The following LRRC4C variants were observed in gnomAD, a reference collection of about 807,000 sequenced individuals.
The protein encoded by LRRC4C is leucine rich repeat containing 4C.
LRRC4C carries 5 observed loss-of-function variants against 33.6 expected under a neutral mutation model. That is an observed-to-expected ratio of 0.15 (90% CI 0.08 to 0.31). The LOEUF (loss-of-function observed/expected upper bound fraction) is 0.31, where lower values mean the gene tolerates loss of function less well. LRRC4C is among the 10% of genes least tolerant of loss of function. The probability of loss-of-function intolerance (pLI) is 1.00; values close to 1 mark genes in which losing one functional copy is unlikely to be tolerated. For missense variants in LRRC4C, 560 were observed against 796.7 expected (o/e 0.70, Z 3.58); for synonymous variants, 329 against 302.0 (o/e 1.09, Z -0.93).
At chr11:41,247,650 C>A (rs1163734262) in intron 1 of LRRC4C, among the ~76,000 whole-genome samples, 1 of 152,176 alleles carries the variant, frequency 6.6e-6, no homozygotes, top group Non-Finnish European at 1.5e-5. Context: ...AGGGAAAATG[C>A]CACCATTATG....
At chr11:40,199,729 T>C (rs547971193) in intron 5 of LRRC4C, among the ~76,000 whole-genome samples, 1 of 152,134 alleles carries the variant, frequency 6.6e-6, no homozygotes, top group Non-Finnish European at 1.5e-5. Context: ...TTTTTTTAAT[T>C]TATTATTAAT....
intron 2 of LRRC4C, among the ~76,000 whole-genome samples, chr11:40,768,352 C>T (rs7935397): frequency 2.0e-5 from 3 of 151,938 alleles, no homozygotes; most frequent in African/African-American, 7.2e-5. Flanking sequence ...AAACTTGGGA[C>T]CTGGTGGTTT....
In LRRC4C at chr11:40,707,260, G is replaced by A. The variant is rs1411137528; in HGVS notation, c.-406-58982C>T. Among the ~76,000 whole-genome samples, 5 of 152,284 alleles carry A rather than the reference G, an allele frequency of 3.3e-5. 1 individual carries two copies. In the South Asian group the frequency reaches 1.0e-3, roughly 32 times the overall value. On this transcript the variant is annotated intron_variant, in intron 2 of 6. Transcript: ENST00000528697. Reference sequence around the variant, plus strand: ...TTCCAACCCTATGTTGAATAGGAGTGGTGAGGGAGGGCATCCCTGTCTTGC... The same window carrying A: ...TTCCAACCCTATGTTGAATAGGAGTAGTGAGGGAGGGCATCCCTGTCTTGC...
intron 2 of LRRC4C, among the ~76,000 whole-genome samples, chr11:40,907,032 C>T (rs778018507): frequency 6.6e-6 from 1 of 152,210 alleles, no homozygotes; most frequent in Admixed American, 6.5e-5. Context: ...TGTGTGTGCA[C>T]TGTCAGGAGG....
In LRRC4C at chr11:41,075,014, CTTTTTTTTTTTTTTTTTTTTTTATTTTT is replaced by C. The variant is rs1939009665; in HGVS notation, c.-495-141319_-495-141292del. 6.9e-5 allele frequency among the ~76,000 whole-genome samples: 7 copies of C among 101,020 alleles called. 3 individuals are homozygous for C. Among genetic ancestry groups the C allele is most frequent in the Admixed American group, 9.6e-5 (1 of 10,444 alleles). 66.3% of individuals were successfully genotyped at this position (101,020 alleles called of 152,430 possible). A position where few individuals can be genotyped will look rare whatever the true frequency, so the allele number is the denominator to read the frequency against. ...CCATCCTCCCACAACCTTCAATTTT[CTTTTTTTTTTTTTTTTTTTTTTATTTTT>C]AATGTTTTTTTTTTTTTTTTATTAT... On this transcript the variant is annotated intron_variant, in intron 1 of 6. Coordinates refer to ENST00000528697, the MANE Select transcript of LRRC4C (RefSeq NM_001258419.2).
chr11:40,300,435 C>G (rs1294606970), intron 4 of LRRC4C, among the ~76,000 whole-genome samples: 3 of 152,116 alleles, frequency 2.0e-5, no homozygotes, highest in Non-Finnish European at 4.4e-5. Context: ...AATTTGTTAC[C>G]CAAAGATTAA....
chr11:40,955,439 A>T (rs1958912667), intron 1 of LRRC4C, among the ~76,000 whole-genome samples: 1 of 151,794 alleles, frequency 6.6e-6, no homozygotes, highest in Non-Finnish European at 1.5e-5. Context: ...TGGGGGGGAA[A>T]AACACAAAAA....
intron 3 of LRRC4C, among the ~76,000 whole-genome samples, chr11:40,515,917 A>G (rs1013859247): frequency 6.6e-6 from 1 of 152,056 alleles, no homozygotes; most frequent in Non-Finnish European, 1.5e-5. Context: ...GTGATTGATT[A>G]AAATCCCTTT....
Position 40,114,607 on chromosome 11 carries a change from TG to T in LRRC4C, c.1685del (p.Pro562GlnfsTer34). ...KQHHRQNHHA[P>X]TRTVEIINVD... ...CATTAATAATTTCAACAGTCCTTGT[TG>T]GGGCGTGATGGTTTTGCCGATGGTG... On this transcript the variant is annotated frameshift_variant, in exon 7 of 7. Coordinates refer to ENST00000528697, the MANE Select transcript of LRRC4C (RefSeq NM_001258419.2). LOFTEE classifies it high-confidence loss of function. 1 of 1,614,184 alleles carries T rather than the reference TG, an allele frequency of 6.2e-7. No homozygotes were observed. Among genetic ancestry groups the T allele is most frequent in the African/African-American group, 1.3e-5 (1 of 75,060 alleles).
chr11:40,677,538 G>C (rs1591441095), intron 2 of LRRC4C, among the ~76,000 whole-genome samples: 1 of 152,164 alleles, frequency 6.6e-6, no homozygotes, highest in African/African-American at 2.4e-5. Context: ...TCTTGATTAT[G>C]TATAGATACA....
chr11:40,154,287 C>CAAAAAAAAAAAAAAACAAAAAAAAAAA (rs1858481312), intron 5 of LRRC4C, among the ~76,000 whole-genome samples: 3 of 114,198 alleles, frequency 2.6e-5, no homozygotes, highest in Non-Finnish European at 1.9e-5. Context: ...AGCTAAAAAG[C>CAAAAAAAAAAAAAAACAAAAAAAAAAA]AAAAAAAAAA....
At chr11:40,845,608 C>T (rs999194085) in intron 2 of LRRC4C, among the ~76,000 whole-genome samples, 3 of 152,092 alleles carry the variant, frequency 2.0e-5, no homozygotes, top group African/African-American at 7.2e-5. Flanking sequence ...GATTCCAAGT[C>T]TTTGCTGTTG....
chr11:41,377,195 T>A (rs1591382739), intron 1 of LRRC4C, among the ~76,000 whole-genome samples: 1 of 152,206 alleles, frequency 6.6e-6, no homozygotes, highest in African/African-American at 2.4e-5. Flanking sequence ...TAAATTATCC[T>A]TTTTTCTTCC....
intron 3 of LRRC4C, among the ~76,000 whole-genome samples, chr11:40,507,738 A>ATTT (rs5791383): frequency 1.5e-5 from 2 of 135,102 alleles, no homozygotes; most frequent in Non-Finnish European, 3.2e-5. Context: ...ACTAGATTTA[A>ATTT]TTTTTTTTTT....
intron 5 of LRRC4C, among the ~76,000 whole-genome samples, chr11:40,199,726 A>T (rs746659181): frequency 3.3e-5 from 5 of 152,034 alleles, no homozygotes; most frequent in Non-Finnish European, 5.9e-5. Context: ...ATATTTTTTT[A>T]ATTTATTATT....
chr11:40,294,700 G>GTC (rs56325544), intron 4 of LRRC4C, among the ~76,000 whole-genome samples: 12,551 of 152,052 alleles, frequency 0.083, 606 homozygotes, highest in Non-Finnish European at 0.098. Flanking sequence ...GATGGCGCGC[G>GTC]TCTGTAATCC....
At chr11:41,366,162 G>T (rs1220076843) in intron 1 of LRRC4C, among the ~76,000 whole-genome samples, 1 of 151,566 alleles carries the variant, frequency 6.6e-6, no homozygotes, top group East Asian at 1.9e-4. Flanking sequence ...GTGCCTGTTT[G>T]TATGTGTTTA....
chr11:41,290,221 C>T (rs1949951873), intron 1 of LRRC4C, among the ~76,000 whole-genome samples: 1 of 152,158 alleles, frequency 6.6e-6, no homozygotes, highest in African/African-American at 2.4e-5. Context: ...GTAGTATGGT[C>T]TCAAAGGAGT....
intron 2 of LRRC4C, among the ~76,000 whole-genome samples, chr11:40,730,158 C>T (rs4475907): frequency 0.37 from 56,454 of 151,576 alleles, 10,786 homozygotes; most frequent in African/African-American, 0.4. Context: ...TGCTAGATGA[C>T]AAGTTAGTGG....
Sources: gnomAD v4.1 joint callset for allele counts (sites outside exome capture counted in the v4.1 genomes callset) on GRCh38, gnomAD v4.1.1 for gene constraint, MANE v1.5 for transcripts, NCBI Gene and HGNC (gene_info 2026-07-23, HGNC 2026-07-21) for gene names.